Variants in RXFP1 observed in about 807,000 individuals in gnomAD.
RXFP1 encodes the protein relaxin family peptide receptor 1.
A neutral mutation model predicts 89.8 loss-of-function variants in RXFP1; 73 were observed. The observed-to-expected ratio is 0.81, with a 90% confidence interval of 0.67 to 0.99. The LOEUF (loss-of-function observed/expected upper bound fraction) is 0.99. Ranked by LOEUF, RXFP1 falls within the 50% of genes least tolerant of loss-of-function variation. RXFP1 has a pLI of 0.00. For synonymous variants in RXFP1, 277 were observed against 305.5 expected (o/e 0.91, Z 0.97); for missense variants, 793 against 895.5 (o/e 0.89, Z 1.46).
chr4:158,587,840 A>G (rs1758593069), intron 2 of RXFP1, among the ~76,000 whole-genome samples: 1 of 152,184 alleles, frequency 6.6e-6, no homozygotes, highest in African/African-American at 2.4e-5. Context: ...GATAAAATGG[A>G]GCACCTAGCA....
chr4:158,628,572 C>T (rs1767386891), intron 10 of RXFP1, 66 bp from the exon 11 acceptor site: 2 of 714,602 alleles, frequency 2.8e-6, no homozygotes, highest in South Asian at 3.6e-5. Flanking sequence ...GCATACCGTT[C>T]CTCTCTTTAG....
intron 1 of RXFP1, among the ~76,000 whole-genome samples, chr4:158,566,433 G>A (rs958006584): frequency 7.2e-5 from 11 of 151,938 alleles, no homozygotes; most frequent in African/African-American, 1.9e-4. Context: ...GTGCAATCTC[G>A]GCTCACTGCA....
At chr4:158,634,606 G>A (rs1768778477) in intron 12 of RXFP1, among the ~76,000 whole-genome samples, 1 of 152,056 alleles carries the variant, frequency 6.6e-6, no homozygotes, top group Non-Finnish European at 1.5e-5. Context: ...AATGTCATTG[G>A]TGTCATGTCA....
At chr4:158,557,518 G>T (rs1361553275) in intron 1 of RXFP1, among the ~76,000 whole-genome samples, 4 of 152,036 alleles carry the variant, frequency 2.6e-5, no homozygotes, top group Admixed American at 6.5e-5. Context: ...TGGAGGCAGG[G>T]TCTCCTCTGT....
chr4:158,564,996 T>C (rs1753256650), intron 1 of RXFP1, among the ~76,000 whole-genome samples: 1 of 152,156 alleles, frequency 6.6e-6, no homozygotes, highest in South Asian at 2.1e-4. Flanking sequence ...TTTTTCTGTG[T>C]TGAGTGTGAC....
intron 1 of RXFP1, among the ~76,000 whole-genome samples, chr4:158,554,286 T>A (rs571725842): frequency 6.6e-6 from 1 of 152,314 alleles, no homozygotes; most frequent in South Asian, 2.1e-4. Flanking sequence ...GAGTTTTTTT[T>A]TATTATTAAA....
chr4:158,591,601 A>G (rs1202902877), intron 2 of RXFP1, among the ~76,000 whole-genome samples: 1 of 151,708 alleles, frequency 6.6e-6, no homozygotes, highest in Non-Finnish European at 1.5e-5. Flanking sequence ...AAAAAAAAAA[A>G]AATTAGTCGT....
chr4:158,606,217 T>G (rs896700510), intron 5 of RXFP1, among the ~76,000 whole-genome samples: 27 of 152,222 alleles, frequency 1.8e-4, no homozygotes, highest in African/African-American at 6.3e-4. Flanking sequence ...TTGTGTCCAC[T>G]TATTTAAAGG....
At chr4:158,567,761 C>A (rs1055452655) in intron 1 of RXFP1, among the ~76,000 whole-genome samples, 5 of 152,162 alleles carry the variant, frequency 3.3e-5, no homozygotes, top group Admixed American at 2.0e-4. Context: ...CCTGTCAAAA[C>A]AGACCAATCA....
chr4:158,615,284 C>T (rs1764332663), intron 8 of RXFP1, among the ~76,000 whole-genome samples: 1 of 152,052 alleles, frequency 6.6e-6, no homozygotes, highest in African/African-American at 2.4e-5. Context: ...TGCCTGTAAT[C>T]CTAGCACTTT....
At chr4:158,633,503 T>C in intron 12 of RXFP1, 27 bp downstream of exon 12, 2 of 1,394,030 alleles carry the variant, frequency 1.4e-6, no homozygotes, top group Non-Finnish European at 2.0e-6. Context: ...TTTTGCCACC[T>C]CGTTTCTTTA....
At chr4:158,529,168 G>A (rs1054070098) in intron 1 of RXFP1, among the ~76,000 whole-genome samples, 1 of 151,880 alleles carries the variant, frequency 6.6e-6, no homozygotes, top group East Asian at 1.9e-4. Flanking sequence ...TTCCTGATAT[G>A]GTAAAACATA....
intron 1 of RXFP1, among the ~76,000 whole-genome samples, chr4:158,567,905 T>G (rs555660356): frequency 2.6e-5 from 4 of 152,328 alleles, no homozygotes; most frequent in East Asian, 1.9e-4. Flanking sequence ...CCTTCCAGCT[T>G]GTGGTGGCTT....
intron 2 of RXFP1, among the ~76,000 whole-genome samples, chr4:158,590,319 C>A (rs974061791): frequency 1.3e-5 from 2 of 152,112 alleles, no homozygotes; most frequent in Admixed American, 1.3e-4. Context: ...CATGTATCAC[C>A]ATGGCTGGGT....
intron 13 of RXFP1, 138 bp downstream of exon 13, chr4:158,638,217 G>T: frequency 1.8e-6 from 1 of 541,292 alleles, no homozygotes; most frequent in East Asian, 3.2e-5. Context: ...ACATATGGGT[G>T]CTTGCTGAAC....
chr4:158,599,559 G>A, intron 4 of RXFP1, 128 bp downstream of exon 4: 1 of 727,124 alleles, frequency 1.4e-6, no homozygotes, highest in Non-Finnish European at 2.1e-6. Flanking sequence ...CCTGGGTCAG[G>A]TATAATAATT....
intron 1 of RXFP1, among the ~76,000 whole-genome samples, chr4:158,542,098 T>TAC: frequency 2.0e-5 from 1 of 49,726 alleles, no homozygotes; most frequent in East Asian, 6.7e-4. Context: ...TATATATATA[T>TAC]ATATATATAT....
intron 17 of RXFP1, among the ~76,000 whole-genome samples, chr4:158,649,834 A>T (rs1339425407): frequency 6.6e-6 from 1 of 152,220 alleles, no homozygotes; most frequent in Non-Finnish European, 1.5e-5. Context: ...TTTAGTTACC[A>T]TCCAATGTGG....
At chr4:158,568,350 GAT>G (rs1268030096) in intron 1 of RXFP1, among the ~76,000 whole-genome samples, 1 of 152,202 alleles carries the variant, frequency 6.6e-6, no homozygotes, top group Non-Finnish European at 1.5e-5. Context: ...GACATAAAAA[GAT>G]AATATTCAGA....
Sources: allele counts gnomAD v4.1 joint callset (sites outside exome capture counted in the v4.1 genomes callset), GRCh38; gene constraint gnomAD v4.1.1; transcripts MANE v1.5; gene names NCBI Gene and HGNC (gene_info 2026-07-23, HGNC 2026-07-21).